ARFGEF1: variants seen among roughly 807,000 people sequenced by gnomAD.
ARFGEF1 encodes ARF guanine nucleotide exchange factor 1, also known as brefeldin A-inhibited guanine nucleotide-exchange protein 1.
ARFGEF1 carries 42 observed loss-of-function variants against 231.0 expected under a neutral mutation model. The ratio of observed to expected loss-of-function variants is 0.18; its 90% CI spans 0.14 to 0.24. ARFGEF1 has a LOEUF of 0.24. ARFGEF1 is among the 10% of genes least tolerant of loss of function. The pLI, the probability that ARFGEF1 is intolerant of heterozygous loss-of-function variation, is 1.00. For missense variants in ARFGEF1, 1,345 were observed against 2,192.0 expected, an observed-to-expected ratio of 0.61 and a Z score of 7.72; for synonymous variants, 710 against 732.3, an observed-to-expected ratio of 0.97 and a Z score of 0.49.
chr8:67,289,045 T>C lies in ARFGEF1; in HGVS notation c.917-980A>G, dbSNP rs1805885181. Among the ~76,000 whole-genome samples, 3 of 152,294 alleles carry C rather than the reference T, an allele frequency of 2.0e-5. No individual in the cohort carries two copies. In the South Asian group the frequency reaches 6.2e-4, roughly 32 times the overall value. On this transcript the variant is annotated intron_variant, in intron 6 of 38. Transcript: ENST00000262215. ...GAGAAACTGATGAAATCTGATGTTCTGGATAGCTTGCACAGTCTATTGCAG... is the reference window on the plus strand; with the variant it reads ...GAGAAACTGATGAAATCTGATGTTCCGGATAGCTTGCACAGTCTATTGCAG...
At chr8:67,264,872 T>C (rs1804786018) in intron 14 of ARFGEF1, among the ~76,000 whole-genome samples, 1 of 152,210 alleles carries the variant, frequency 6.6e-6, no homozygotes. Context: ...TACACAGTAC[T>C]ATTTTTAAAA....
intron 1 of ARFGEF1, among the ~76,000 whole-genome samples, chr8:67,341,425 C>CAAAAAA (rs1186065653): frequency 2.3e-5 from 2 of 87,946 alleles, no homozygotes; most frequent in Non-Finnish European, 4.5e-5. Flanking sequence ...CCATCTCCAC[C>CAAAAAA]AAAAAAAAAA....
At chr8:67,224,792 A>C in intron 29 of ARFGEF1, 111 bp downstream of exon 29, 1 of 675,218 alleles carries the variant, frequency 1.5e-6, no homozygotes, top group Non-Finnish European at 2.1e-6. Flanking sequence ...TATATTTGAC[A>C]AAACACTTGA....
chr8:67,191,523 G>A (rs907239525), intron 5 of ARFGEF1, among the ~76,000 whole-genome samples: 1 of 152,172 alleles, frequency 6.6e-6, no homozygotes, highest in Admixed American at 6.5e-5. Flanking sequence ...GTATAAATGA[G>A]ATCATACACT....
chr8:67,270,068 A>G (rs1805013064), intron 10 of ARFGEF1, among the ~76,000 whole-genome samples: 1 of 152,202 alleles, frequency 6.6e-6, no homozygotes, highest in Non-Finnish European at 1.5e-5. Context: ...CAGATGAAAG[A>G]CTTCTGGTTT....
chr8:67,227,531 T>C lies in ARFGEF1; in HGVS notation c.3659A>G (p.Lys1220Arg). The C allele has an allele frequency of 6.2e-7, 1 of 1,613,154 alleles. No individual in the cohort carries two copies. The highest frequency in any genetic ancestry group is 8.5e-7 in the Non-Finnish European group (1 of 1,179,278). Residue 1220 changes from lysine (K) to arginine (R), a missense_variant, in exon 26 of 39, where the codon AAG (lysine) becomes AGG (arginine). Lys to Arg is a conservative substitution (Grantham distance 26). Transcript: ENST00000262215. The part of the protein sequence containing the change: ...AVDSLRQLSM[K>R]FLEKGELANF... ...AGCAAGCTCCCCTTTCTCTAAGAACTTCATTGACAACTGCCTCAAGGAGTC... is the reference window on the plus strand; with the variant it reads ...AGCAAGCTCCCCTTTCTCTAAGAACCTCATTGACAACTGCCTCAAGGAGTC...
intron 1 of ARFGEF1, among the ~76,000 whole-genome samples, chr8:67,329,037 C>T (rs1807971849): frequency 6.6e-6 from 1 of 151,986 alleles, no homozygotes; most frequent in Non-Finnish European, 1.5e-5. Context: ...ACCAGCCTGG[C>T]CAACATGGTG....
At chr8:67,317,898 CAAA>C (rs951058819) in intron 1 of ARFGEF1, among the ~76,000 whole-genome samples, 1 of 54,856 alleles carries the variant, frequency 1.8e-5, no homozygotes. Flanking sequence ...GACTCTGTCT[CAAA>C]AAAAAAAAAA....
At chr8:67,239,309 C>T (rs1455134398) in intron 20 of ARFGEF1, among the ~76,000 whole-genome samples, 3 of 152,086 alleles carry the variant, frequency 2.0e-5, no homozygotes, top group Non-Finnish European at 4.4e-5. Context: ...CCTGGCCCTC[C>T]TTTCCCTTTC....
chr8:67,327,827 A>T (rs1224509459), intron 1 of ARFGEF1, among the ~76,000 whole-genome samples: 1 of 152,240 alleles, frequency 6.6e-6, no homozygotes, highest in Admixed American at 6.5e-5. Flanking sequence ...CAGTAAGTAT[A>T]TTTCAAGCAC....
In ARFGEF1 at chr8:67,215,618, T is replaced by C. The variant is rs540213216; in HGVS notation, c.4686+972A>G. On this transcript the variant is annotated intron_variant, in intron 33 of 38. Coordinates refer to ENST00000262215, the MANE Select transcript of ARFGEF1 (RefSeq NM_006421.5). The stretch of plus-strand genomic sequence containing the variant: ...GACTATGGATAGATGGTGGCAGAGA[T>C]TGGAGTGATATGTGAACAAGCCAAA... Among the ~76,000 whole-genome samples the C allele has an allele frequency of 4.6e-5, 7 of 152,304 alleles. No individual in the cohort carries two copies. The South Asian group carries it at 1.0e-3, about 23-fold the overall frequency.
At chr8:67,283,223 T>C (rs1207072807) in intron 7 of ARFGEF1, among the ~76,000 whole-genome samples, 2 of 152,172 alleles carry the variant, frequency 1.3e-5, no homozygotes, top group East Asian at 1.9e-4. Flanking sequence ...TCATACACCT[T>C]GATCAAGCTA....
chr8:67,198,297 A>G lies in ARFGEF1; in HGVS notation c.*637T>C. 3 of 984,972 alleles carry G rather than the reference A, an allele frequency of 3.0e-6. No individual in the cohort carries two copies. The highest frequency in any genetic ancestry group is 3.6e-6 in the Non-Finnish European group (3 of 829,086). The allele number at this position is 984,972 out of a possible 1,614,324, so 61.0% of individuals were successfully genotyped here. A position where few individuals can be genotyped will look rare whatever the true frequency, so the allele number is the denominator to read the frequency against. On this transcript the variant is annotated 3_prime_UTR_variant, in exon 39 of 39. Transcript: ENST00000262215. The stretch of plus-strand genomic sequence containing the variant: ...TCCACCCAAATGTTTAGTGCATTTG[A>G]CAAAATATTATGGGTATTTAGCAAA...
chr8:67,200,567 A>G, intron 37 of ARFGEF1, 54 bp from the exon 38 acceptor site: 3 of 1,079,986 alleles, frequency 2.8e-6, no homozygotes, highest in Non-Finnish European at 4.2e-6. Context: ...TGGTCCCCAT[A>G]TTCACCGAGA....
intron 2 of ARFGEF1, 69 bp from the exon 3 acceptor site, chr8:67,301,449 A>G: frequency 4.8e-6 from 7 of 1,468,876 alleles, no homozygotes; most frequent in Non-Finnish European, 3.7e-6. Flanking sequence ...CCCATGTAGA[A>G]ACACAGAATT....
intron 5 of ARFGEF1, among the ~76,000 whole-genome samples, chr8:67,191,312 C>T (rs1836172597): frequency 6.6e-6 from 1 of 152,150 alleles, no homozygotes; most frequent in Non-Finnish European, 1.5e-5. Context: ...GTGTGTGTTT[C>T]CTTATATATG....
intron 32 of ARFGEF1, among the ~76,000 whole-genome samples, 155 bp from the exon 33 acceptor site, chr8:67,216,817 C>G (rs1429639495): frequency 6.6e-6 from 1 of 151,950 alleles, no homozygotes; most frequent in Non-Finnish European, 1.5e-5. Context: ...TAAAAAACAT[C>G]TAGTAAAAAG....
chr8:67,235,452 T>A (rs1839697117), intron 22 of ARFGEF1, among the ~76,000 whole-genome samples: 1 of 152,140 alleles, frequency 6.6e-6, no homozygotes, highest in South Asian at 2.1e-4. Context: ...AATAAGATTT[T>A]TTAAACTATG....
chr8:67,180,780 C>T (rs530164582), intron 5 of ARFGEF1, among the ~76,000 whole-genome samples: 2 of 151,848 alleles, frequency 1.3e-5, no homozygotes, highest in Non-Finnish European at 2.9e-5. Flanking sequence ...TTATAGTTCT[C>T]TTAATATTTC....
Sources: allele counts gnomAD v4.1 joint callset (sites outside exome capture counted in the v4.1 genomes callset), GRCh38; gene constraint gnomAD v4.1.1; transcripts MANE v1.5; gene names NCBI Gene and HGNC (gene_info 2026-07-23, HGNC 2026-07-21).